The following NRG1 variants were observed in gnomAD, a reference collection of about 807,000 sequenced individuals.
NRG1 encodes neuregulin 1.
NRG1 carries 18 observed loss-of-function variants against 63.8 expected under a neutral mutation model. The ratio of observed to expected loss-of-function variants is 0.28; its 90% CI spans 0.19 to 0.42. NRG1 has a LOEUF of 0.42. Ranked by LOEUF, NRG1 falls within the 10% of genes least tolerant of loss-of-function variation. The pLI, the probability that NRG1 is intolerant of heterozygous loss-of-function variation, is 1.00. For missense variants in NRG1, 762 were observed against 814.7 expected (o/e 0.94, Z 0.79); for synonymous variants, 302 against 301.3 (o/e 1.00, Z -0.02).
chr8:32,373,545 T>C (rs1349504984), intron 1 of NRG1, among the ~76,000 whole-genome samples: 2 of 152,190 alleles, frequency 1.3e-5, no homozygotes, highest in Non-Finnish European at 2.9e-5. Flanking sequence ...CAATACATGC[T>C]AATTTAATGG....
intron 1 of NRG1, among the ~76,000 whole-genome samples, chr8:32,252,977 C>G (rs1324177340): frequency 1.3e-5 from 2 of 152,130 alleles, no homozygotes; most frequent in African/African-American, 4.8e-5. Flanking sequence ...GGAGTTCACT[C>G]ATGATTTGGC....
At chr8:32,314,313 C>A (rs1021071756) in intron 1 of NRG1, among the ~76,000 whole-genome samples, 1 of 152,188 alleles carries the variant, frequency 6.6e-6, no homozygotes, top group East Asian at 1.9e-4. Context: ...GGGTAACTTG[C>A]AGTTCCCTTA....
intron 1 of NRG1, among the ~76,000 whole-genome samples, chr8:31,810,639 A>G (rs972830710): frequency 1.3e-5 from 2 of 152,268 alleles, no homozygotes; most frequent in Admixed American, 6.5e-5. Flanking sequence ...CCTCCTCAGA[A>G]AAGGATTGCT....
chr8:32,721,339 C>T lies in NRG1; in HGVS notation c.503-6610C>T, dbSNP rs113600098. On this transcript the variant is annotated intron_variant, in intron 5 of 11. Coordinates refer to ENST00000356819, the Ensembl canonical transcript of NRG1. Reference sequence around the variant, plus strand: ...GTTCATCAGTTAAACCAGTTAATCTCCATTGGCCCTTGGTGTCAACTTGTT... The same window carrying T: ...GTTCATCAGTTAAACCAGTTAATCTTCATTGGCCCTTGGTGTCAACTTGTT... 3.7e-3 allele frequency among the ~76,000 whole-genome samples: 564 copies of T among 152,296 alleles called. 6 individuals are homozygous for T. The highest frequency in any genetic ancestry group is 0.013 in the African/African-American group (532 of 41,562).
intron 1 of NRG1, among the ~76,000 whole-genome samples, chr8:32,365,845 A>C (rs1807903159): frequency 6.6e-6 from 1 of 152,210 alleles, no homozygotes. Context: ...AACAAAATTG[A>C]TTTAGTAAAT....
At chr8:32,146,486 A>G (rs571140640) in intron 1 of NRG1, among the ~76,000 whole-genome samples, 1 of 152,306 alleles carries the variant, frequency 6.6e-6, no homozygotes, top group South Asian at 2.1e-4. Context: ...CTCAAGGCAT[A>G]TTAATGATCC....
At chr8:31,987,385 G>T (rs900086000) in intron 1 of NRG1, among the ~76,000 whole-genome samples, 5 of 147,232 alleles carry the variant, frequency 3.4e-5, no homozygotes, top group Non-Finnish European at 6.0e-5. Flanking sequence ...TACCTGTAAG[G>T]TGTTAGTCAT....
chr8:32,628,175 C>G (rs1212630161), intron 5 of NRG1, among the ~76,000 whole-genome samples: 1 of 151,868 alleles, frequency 6.6e-6, no homozygotes, highest in African/African-American at 2.4e-5. Context: ...ATGAAATGTA[C>G]CAGGAGGAAC....
intron 1 of NRG1, among the ~76,000 whole-genome samples, chr8:31,861,176 C>T (rs1474136047): frequency 6.6e-6 from 1 of 152,136 alleles, no homozygotes; most frequent in Admixed American, 6.6e-5. Flanking sequence ...ACCGAAAAAA[C>T]ACTGAAAGGG....
At chr8:32,344,419 A>ATGTGTGTGTGTG (rs397956518) in intron 1 of NRG1, among the ~76,000 whole-genome samples, 11 of 57,454 alleles carry the variant, frequency 1.9e-4, no homozygotes, top group African/African-American at 5.9e-4. Flanking sequence ...GCGTGCATGC[A>ATGTGTGTGTGTG]TGTGTGTGTG....
At chr8:32,188,424 A>C (rs1325251491) in intron 1 of NRG1, among the ~76,000 whole-genome samples, 1 of 152,164 alleles carries the variant, frequency 6.6e-6, no homozygotes, top group Admixed American at 6.5e-5. Context: ...AAATAATGAC[A>C]AGACATGCTC....
intron 1 of NRG1, among the ~76,000 whole-genome samples, chr8:31,703,238 C>T (rs1449533011): frequency 6.6e-6 from 1 of 151,246 alleles, no homozygotes; most frequent in African/African-American, 2.4e-5. Context: ...GTAATCTTTC[C>T]AAAAGCAATA....
At chr8:32,394,541 C>T (rs1587343769) in intron 1 of NRG1, among the ~76,000 whole-genome samples, 1 of 152,178 alleles carries the variant, frequency 6.6e-6, no homozygotes, top group African/African-American at 2.4e-5. Flanking sequence ...GGTGGAAATT[C>T]TCCTCTTTCA....
chr8:32,160,475 C>T (rs1028848287), intron 1 of NRG1, among the ~76,000 whole-genome samples: 3 of 152,186 alleles, frequency 2.0e-5, no homozygotes, highest in Admixed American at 6.5e-5. Context: ...TGCTCAAGGT[C>T]ACTACAGTAG....
intron 1 of NRG1, among the ~76,000 whole-genome samples, chr8:32,307,421 C>T (rs1206600637): frequency 6.9e-6 from 1 of 144,536 alleles, no homozygotes; most frequent in Non-Finnish European, 1.5e-5. Context: ...TCCCAAATAC[C>T]GAATAGTCAT....
intron 1 of NRG1, among the ~76,000 whole-genome samples, chr8:32,414,826 A>G (rs1024946570): frequency 6.6e-6 from 1 of 152,160 alleles, no homozygotes; most frequent in Admixed American, 6.5e-5. Flanking sequence ...TAAACCAGGT[A>G]AATGTTAAGG....
At chr8:31,844,017 C>G (rs1028280551) in intron 1 of NRG1, among the ~76,000 whole-genome samples, 2 of 152,200 alleles carry the variant, frequency 1.3e-5, no homozygotes, top group African/African-American at 4.8e-5. Context: ...AGAGTTTTAC[C>G]TATTATCAAC....
At chr8:32,081,717 T>A (rs1440144471) in intron 1 of NRG1, among the ~76,000 whole-genome samples, 3 of 152,286 alleles carry the variant, frequency 2.0e-5, no homozygotes, top group East Asian at 3.9e-4. Flanking sequence ...AAAGCTAAGC[T>A]TATGATCAGG....
intron 1 of NRG1, among the ~76,000 whole-genome samples, chr8:31,818,874 G>A (rs764392285): frequency 1.2e-4 from 19 of 152,072 alleles, no homozygotes; most frequent in Non-Finnish European, 2.2e-4. Context: ...TGGCTAACAC[G>A]GTGAAACCCT....
Sources: allele counts gnomAD v4.1 joint callset (sites outside exome capture counted in the v4.1 genomes callset), GRCh38; gene constraint gnomAD v4.1.1; transcripts MANE v1.5; gene names NCBI Gene and HGNC (gene_info 2026-07-23, HGNC 2026-07-21).